GMPS: variants seen among roughly 807,000 people sequenced by gnomAD.
The protein encoded by GMPS is guanosine monophosphate synthase.
Under a neutral mutation model 77.9 loss-of-function variants are expected in GMPS, and 15 were observed. The observed-to-expected ratio is 0.19, with a 90% CI of 0.13 to 0.30. The LOEUF is 0.30. Ranked by LOEUF, GMPS falls within the 10% of genes least tolerant of loss-of-function variation. The probability of loss-of-function intolerance (pLI) is 1.00; values close to 1 mark genes in which losing one functional copy is unlikely to be tolerated. For missense variants in GMPS, 590 were observed against 838.8 expected (o/e 0.70, Z 3.66); for synonymous variants, 224 against 275.9 (o/e 0.81, Z 1.86).
chr3:155,896,250 C>G (rs1365847662), intron 2 of GMPS, among the ~76,000 whole-genome samples: 1 of 152,068 alleles, frequency 6.6e-6, no homozygotes, highest in Non-Finnish European at 1.5e-5. Flanking sequence ...ACCTCGTGAT[C>G]CACGCACCTC....
intron 11 of GMPS, among the ~76,000 whole-genome samples, chr3:155,924,527 A>G (rs1755402863): frequency 6.6e-6 from 1 of 152,216 alleles, no homozygotes; most frequent in Non-Finnish European, 1.5e-5. Flanking sequence ...CTTAAGGACA[A>G]CTACTGCAAG....
chr3:155,894,368 C>T (rs1247634045), intron 2 of GMPS, among the ~76,000 whole-genome samples: 3 of 152,000 alleles, frequency 2.0e-5, no homozygotes, highest in East Asian at 1.9e-4. Flanking sequence ...GAAGTACAGG[C>T]GGATGCCACC....
At position 155,906,260 on chromosome 3, in the gene GMPS, G is replaced by A. The variant is rs776971050; in HGVS notation, c.523G>A (p.Ala175Thr). ...KVVARSGNIVAGIANESKKLY... is the reference protein window; with the variant it reads ...KVVARSGNIVTGIANESKKLY... ...TGTGGCACGTTCTGGAAACATAGTA[G>A]CAGGTGAAAATTCTAAAAATTTTGC... Residue 175 changes from alanine to threonine, a missense_variant, in exon 5 of 16, where the codon GCA becomes ACA. Coordinates refer to ENST00000496455, the MANE Select transcript of GMPS (RefSeq NM_003875.3). 7 of 1,599,590 alleles carry A rather than the reference G, an allele frequency of 4.4e-6. No individual in the cohort carries two copies. In the African/African-American group the frequency reaches 5.4e-5, roughly 12 times the overall value.
chr3:155,872,695 A>G (rs1233801906), intron 1 of GMPS, among the ~76,000 whole-genome samples: 1 of 152,014 alleles, frequency 6.6e-6, no homozygotes, highest in African/African-American at 2.4e-5. Flanking sequence ...TCAGTTTGCT[A>G]TATTTGAGCC....
chr3:155,898,332 C>T (rs916017722), intron 3 of GMPS, among the ~76,000 whole-genome samples: 1 of 152,184 alleles, frequency 6.6e-6, no homozygotes, highest in Admixed American at 6.5e-5. Context: ...CATAGAGCTC[C>T]TGTATACCTT....
At chr3:155,915,093 G>T (rs146794543) in intron 8 of GMPS, among the ~76,000 whole-genome samples, 2 of 151,980 alleles carry the variant, frequency 1.3e-5, no homozygotes, top group Non-Finnish European at 2.9e-5. Flanking sequence ...TAATAAACAT[G>T]TTTGCCTACA....
chr3:155,878,377 T>A (rs183176171), intron 1 of GMPS, among the ~76,000 whole-genome samples: 1 of 152,374 alleles, frequency 6.6e-6, no homozygotes, highest in African/African-American at 2.4e-5. Flanking sequence ...ATTGTATGTA[T>A]ACCACCTTAT....
At position 155,938,003 on chromosome 3, in the gene GMPS, G is replaced by A; in HGVS notation, c.*311G>A. ...TCTCTGTGAATATGTATGAAGGTGG[G>A]TGAATTTGGGGGTAATTATGGGCTT... On this transcript the variant is annotated 3_prime_UTR_variant, in exon 16 of 16. Coordinates refer to ENST00000496455, the MANE Select transcript of GMPS (RefSeq NM_003875.3). The A allele has an allele frequency of 3.7e-6, 1 of 267,202 alleles. No homozygotes were observed. The highest frequency in any genetic ancestry group is 7.1e-6 in the Non-Finnish European group (1 of 140,774). 16.6% of individuals were successfully genotyped at this position (267,202 alleles called of 1,614,324 possible). A position where few individuals can be genotyped will look rare whatever the true frequency, so the allele number is the denominator to read the frequency against.
At position 155,942,915 on chromosome 3, in the gene GMPS, A is replaced by G; in HGVS notation, c.*5223A>G. 5.1e-6 allele frequency: 1 copy of G among 196,368 alleles called. No homozygotes were observed. The highest frequency in any genetic ancestry group is 1.1e-5 in the Non-Finnish European group (1 of 94,552). 12.2% of individuals were successfully genotyped at this position (196,368 alleles called of 1,614,324 possible). A position where few individuals can be genotyped will look rare whatever the true frequency, so the allele number is the denominator to read the frequency against. On this transcript the variant is annotated 3_prime_UTR_variant, in exon 16 of 16. Coordinates refer to ENST00000496455, the MANE Select transcript of GMPS (RefSeq NM_003875.3). ...TTTCCTGAATTAGAATCATTTGAGC[A>G]GCACCATCTTAATTGGCTCATTAAC...
chr3:155,881,234 A>G (rs765463631), intron 1 of GMPS, among the ~76,000 whole-genome samples: 10 of 128,052 alleles, frequency 7.8e-5, no homozygotes, highest in Middle Eastern at 8.6e-3. Context: ...ATGCAATGGC[A>G]TGATCTCGGC....
chr3:155,890,966 G>A (rs1174719818), intron 1 of GMPS, among the ~76,000 whole-genome samples: 2 of 152,164 alleles, frequency 1.3e-5, no homozygotes, highest in East Asian at 3.8e-4. Flanking sequence ...TGTAAGACAG[G>A]CAACACACTG....
At chr3:155,937,287 GCTATA>G (rs1339117216) in intron 15 of GMPS, among the ~76,000 whole-genome samples, 1 of 152,178 alleles carries the variant, frequency 6.6e-6, no homozygotes, top group Non-Finnish European at 1.5e-5. Context: ...ATGTCAAATC[GCTATA>G]TGTTCTTAAG....
chr3:155,897,802 A>G, intron 2 of GMPS, 125 bp from the exon 3 acceptor site: 2 of 645,686 alleles, frequency 3.1e-6, no homozygotes, highest in Non-Finnish European at 5.6e-6. Flanking sequence ...AATTTGCTAC[A>G]TTCTACCAAA....
chr3:155,877,761 A>C (rs1247342919), intron 1 of GMPS, among the ~76,000 whole-genome samples: 2 of 150,844 alleles, frequency 1.3e-5, no homozygotes, highest in Non-Finnish European at 2.9e-5. Context: ...TTCCTGGGTC[A>C]TAGAAGTGCT....
At chr3:155,889,966 G>A (rs1754424153) in intron 1 of GMPS, among the ~76,000 whole-genome samples, 1 of 152,108 alleles carries the variant, frequency 6.6e-6, no homozygotes, top group Non-Finnish European at 1.5e-5. Context: ...ATGTGACTAA[G>A]TTTCTTTTTT....
chr3:155,926,436 G>T (rs1203848018), intron 12 of GMPS, among the ~76,000 whole-genome samples: 1 of 152,112 alleles, frequency 6.6e-6, no homozygotes, highest in African/African-American at 2.4e-5. Flanking sequence ...GGTGTCAGTA[G>T]TTCAACTCGA....
rs1755874302 is a variant in GMPS, at chr3:155,940,992, G to GA, written c.*3302dup. ...AATATGCTTTGGCTTTGACACTAAT[G>GA]AAGTCACCCATCATCAATTACATAC... On this transcript the variant is annotated 3_prime_UTR_variant, in exon 16 of 16. Coordinates refer to ENST00000496455, the MANE Select transcript of GMPS (RefSeq NM_003875.3). 1 of 204,090 alleles carries GA rather than the reference G, an allele frequency of 4.9e-6. No homozygotes were observed. Among genetic ancestry groups the GA allele is most frequent in the South Asian group, 1.9e-4 (1 of 5,254 alleles). 12.6% of individuals were successfully genotyped at this position (204,090 alleles called of 1,614,324 possible).
At chr3:155,937,031 C>T (rs369265742) in intron 15 of GMPS, among the ~76,000 whole-genome samples, 4 of 152,256 alleles carry the variant, frequency 2.6e-5, no homozygotes, top group South Asian at 4.1e-4. Flanking sequence ...TGCACTAACA[C>T]GAAGCTGTCG....
chr3:155,912,585 A>G (rs1202338511), intron 7 of GMPS, among the ~76,000 whole-genome samples: 1 of 152,240 alleles, frequency 6.6e-6, no homozygotes, highest in Non-Finnish European at 1.5e-5. Flanking sequence ...GTATGGGTTT[A>G]GTGGTATATA....
Sources: gnomAD v4.1 joint callset for allele counts (sites outside exome capture counted in the v4.1 genomes callset) on GRCh38, gnomAD v4.1.1 for gene constraint, MANE v1.5 for transcripts, NCBI Gene and HGNC (gene_info 2026-07-23, HGNC 2026-07-21) for gene names.